The following DCC variants were observed in gnomAD, a reference collection of about 807,000 sequenced individuals.
DCC encodes the protein DCC netrin 1 receptor, also known as netrin receptor DCC.
A neutral mutation model predicts 172.5 loss-of-function variants in DCC; 58 were observed. That is an observed-to-expected ratio of 0.34 (90% CI 0.27 to 0.42). DCC has a LOEUF of 0.42. Among genes scored for constraint, DCC ranks in the 10% least tolerant of loss-of-function variants. DCC has a pLI of 1.00. For synonymous variants in DCC, 709 were observed against 644.5 expected, an observed-to-expected ratio of 1.10 and a Z score of -1.52; for missense variants, 1,740 against 1,791.0, an observed-to-expected ratio of 0.97 and a Z score of 0.51.
intron 7 of DCC, among the ~76,000 whole-genome samples, chr18:53,080,612 G>A (rs2042786464): frequency 6.6e-6 from 1 of 152,142 alleles, no homozygotes; most frequent in South Asian, 2.1e-4. Context: ...TGCTTTGTGT[G>A]TTAGATCAGA....
Position 52,432,236 on chromosome 18 carries a change from A to G in DCC, c.91+91358A>G, listed in dbSNP as rs932700238. Among the ~76,000 whole-genome samples the G allele has an allele frequency of 5.9e-5, 9 of 152,208 alleles. No homozygotes were observed. The South Asian group carries it at 1.9e-3, about 32-fold the overall frequency. ...GGTTATTTAATAATGCATGGCTCTC[A>G]TGATCAGGAGTGGAGAGGCTCAGGT... is the stretch of plus-strand genomic sequence containing the variant. On this transcript the variant is annotated intron_variant, in intron 1 of 28. Coordinates refer to ENST00000442544, the MANE Select transcript of DCC (RefSeq NM_005215.4).
At chr18:52,671,033 A>G (rs1386973182) in intron 1 of DCC, among the ~76,000 whole-genome samples, 1 of 152,054 alleles carries the variant, frequency 6.6e-6, no homozygotes, top group Non-Finnish European at 1.5e-5. Context: ...TTTTCCCCTC[A>G]TGTTGTCATT....
At chr18:52,996,292 A>G (rs1342484553) in intron 5 of DCC, among the ~76,000 whole-genome samples, 1 of 151,966 alleles carries the variant, frequency 6.6e-6, no homozygotes, top group Admixed American at 6.6e-5. Flanking sequence ...ATTGTTGTTT[A>G]AAAGAATGAT....
At chr18:52,569,528 A>T (rs1194014660) in intron 1 of DCC, among the ~76,000 whole-genome samples, 3 of 152,114 alleles carry the variant, frequency 2.0e-5, no homozygotes, top group Non-Finnish European at 4.4e-5. Flanking sequence ...AAAATTACAT[A>T]CTCTATACTC....
At chr18:53,522,316 C>A (rs552014404) in intron 27 of DCC, among the ~76,000 whole-genome samples, 1 of 151,768 alleles carries the variant, frequency 6.6e-6, no homozygotes, top group South Asian at 2.1e-4. Context: ...TAGAGGTAAA[C>A]CATTCACATC....
chr18:53,250,804 G>T (rs570122460), intron 12 of DCC, among the ~76,000 whole-genome samples: 1 of 151,344 alleles, frequency 6.6e-6, no homozygotes, highest in Non-Finnish European at 1.5e-5. Context: ...CAATATTTTT[G>T]AAAATGTTAC....
chr18:53,179,219 A>G, intron 9 of DCC, 103 bp downstream of exon 9: 1 of 1,207,078 alleles, frequency 8.3e-7, no homozygotes, highest in South Asian at 1.3e-5. Context: ...AAAAGCGAAG[A>G]AGAGTTTTTT....
chr18:53,129,907 A>G (rs1298605384), intron 7 of DCC, among the ~76,000 whole-genome samples: 2 of 152,162 alleles, frequency 1.3e-5, no homozygotes, highest in African/African-American at 4.8e-5. Flanking sequence ...CTTTATAAAC[A>G]TCTAAACCCT....
intron 1 of DCC, among the ~76,000 whole-genome samples, chr18:52,408,555 T>C (rs748872481): frequency 2.0e-5 from 3 of 152,078 alleles, no homozygotes; most frequent in Non-Finnish European, 4.4e-5. Flanking sequence ...TATAAGTAAT[T>C]ACACCCCAGG....
chr18:52,879,186 C>T (rs901646333), intron 2 of DCC, among the ~76,000 whole-genome samples: 40 of 152,260 alleles, frequency 2.6e-4, no homozygotes, highest in African/African-American at 9.6e-4. Flanking sequence ...AAAGCTCTTT[C>T]ATAAACCTTT....
intron 17 of DCC, among the ~76,000 whole-genome samples, chr18:53,394,413 C>T (rs931997647): frequency 2.0e-5 from 3 of 152,160 alleles, no homozygotes; most frequent in Non-Finnish European, 4.4e-5. Flanking sequence ...GTTCCATTTA[C>T]TCCCAAATCT....
At chr18:53,394,304 G>A (rs1209498618) in intron 17 of DCC, among the ~76,000 whole-genome samples, 2 of 152,186 alleles carry the variant, frequency 1.3e-5, no homozygotes, top group Non-Finnish European at 2.9e-5. Flanking sequence ...GACAGAGGTA[G>A]GTGATATAAC....
At chr18:52,716,330 C>G (rs181260512) in intron 1 of DCC, among the ~76,000 whole-genome samples, 2 of 152,300 alleles carry the variant, frequency 1.3e-5, no homozygotes, top group Non-Finnish European at 1.5e-5. Context: ...CTGGGCAACA[C>G]AATTCTGAAA....
chr18:53,138,192 C>T (rs2043775675), intron 7 of DCC, among the ~76,000 whole-genome samples: 1 of 152,014 alleles, frequency 6.6e-6, no homozygotes, highest in East Asian at 1.9e-4. Context: ...TCTCAGGACC[C>T]TACCTATTGT....
intron 2 of DCC, among the ~76,000 whole-genome samples, chr18:52,837,788 C>A (rs910257537): frequency 1.4e-4 from 21 of 152,150 alleles, no homozygotes; most frequent in African/African-American, 4.8e-4. Context: ...CTGTATTAGT[C>A]CATTCTCATG....
At chr18:52,994,289 C>T (rs902632277) in intron 5 of DCC, among the ~76,000 whole-genome samples, 3 of 151,848 alleles carry the variant, frequency 2.0e-5, no homozygotes, top group Non-Finnish European at 4.4e-5. Flanking sequence ...GCAAATCTTT[C>T]TCAAAATTTC....
In DCC at chr18:53,534,390, A is replaced by G. The variant is rs945927226; in HGVS notation, c.*3737A>G. The G allele has an allele frequency of 1.3e-5, 2 of 152,244 alleles. No homozygotes were observed. Among genetic ancestry groups the G allele is most frequent in the African/African-American group, 4.8e-5 (2 of 41,466 alleles). 9.4% of individuals were successfully genotyped at this position (152,244 alleles called of 1,614,324 possible). Reference sequence around the variant, plus strand: ...CAGTTCCCTTCATGCAACCACAGGCAGTCCTGCAGGCCAGAGGTTACTATC... The same window carrying G: ...CAGTTCCCTTCATGCAACCACAGGCGGTCCTGCAGGCCAGAGGTTACTATC... On this transcript the variant is annotated 3_prime_UTR_variant, in exon 29 of 29. Coordinates refer to ENST00000442544, the MANE Select transcript of DCC (RefSeq NM_005215.4).
intron 2 of DCC, among the ~76,000 whole-genome samples, chr18:52,904,233 T>C (rs959440288): frequency 6.6e-6 from 1 of 152,360 alleles, no homozygotes; most frequent in African/African-American, 2.4e-5. Flanking sequence ...CAAAGAACAA[T>C]CTTAATATTG....
At chr18:52,429,787 G>C (rs191045315) in intron 1 of DCC, among the ~76,000 whole-genome samples, 1 of 152,060 alleles carries the variant, frequency 6.6e-6, no homozygotes. Flanking sequence ...ACCAGTAACA[G>C]TCATAGATAT....
Sources: allele counts gnomAD v4.1 joint callset (sites outside exome capture counted in the v4.1 genomes callset), GRCh38; gene constraint gnomAD v4.1.1; transcripts MANE v1.5; gene names NCBI Gene and HGNC (gene_info 2026-07-23, HGNC 2026-07-21).